Variants in CADPS2 observed in about 807,000 individuals in gnomAD.
CADPS2 encodes the protein calcium dependent secretion activator 2, also known as calcium-dependent secretion activator 2.
In CADPS2, 93 loss-of-function variants were observed where a neutral mutation model predicts 172.5. That is an observed-to-expected ratio of 0.54 (90% CI 0.46 to 0.64). The LOEUF is 0.64. Ranked by LOEUF, CADPS2 falls within the 30% of genes least tolerant of loss-of-function variation. The pLI is 0.00. For missense variants in CADPS2, 1,420 were observed against 1,565.9 expected (o/e 0.91, Z 1.57); for synonymous variants, 546 against 555.2 (o/e 0.98, Z 0.23).
intron 2 of CADPS2, among the ~76,000 whole-genome samples, chr7:122,682,772 A>G (rs914097008): frequency 3.3e-5 from 5 of 152,198 alleles, no homozygotes; most frequent in Non-Finnish European, 7.3e-5. Context: ...ACAAGCTAAG[A>G]GACTCTGAAC....
chr7:122,495,889 T>C (rs1056782497), intron 9 of CADPS2, among the ~76,000 whole-genome samples: 3 of 152,192 alleles, frequency 2.0e-5, no homozygotes, highest in Non-Finnish European at 2.9e-5. Context: ...GAGTTTACAA[T>C]TCTTATTACC....
chr7:122,481,741 T>C (rs34239286), intron 11 of CADPS2, among the ~76,000 whole-genome samples: 2 of 151,990 alleles, frequency 1.3e-5, no homozygotes, highest in African/African-American at 4.8e-5. Context: ...GCAGGTGCAG[T>C]GGCTCATGCC....
intron 3 of CADPS2, among the ~76,000 whole-genome samples, chr7:122,637,240 C>T (rs1429910938): frequency 1.6e-5 from 2 of 126,570 alleles, no homozygotes; most frequent in Non-Finnish European, 3.1e-5. Flanking sequence ...GTGGCCCAGG[C>T]TAGAGAGCAG....
intron 6 of CADPS2, among the ~76,000 whole-genome samples, chr7:122,606,210 C>T (rs1024066986): frequency 6.6e-6 from 1 of 152,106 alleles, no homozygotes; most frequent in Admixed American, 6.6e-5. Flanking sequence ...GGACAAGAAT[C>T]ACCACTGTTA....
At chr7:122,588,368 T>C (rs535797364) in intron 6 of CADPS2, among the ~76,000 whole-genome samples, 3 of 152,210 alleles carry the variant, frequency 2.0e-5, no homozygotes, top group African/African-American at 4.8e-5. Flanking sequence ...CTTGAGTTAA[T>C]TGTTAATAAG....
Position 122,436,966 on chromosome 7 carries a change from G to A in CADPS2, c.2476+1375C>T, listed in dbSNP as rs182631975. 2.1e-3 allele frequency among the ~76,000 whole-genome samples: 316 copies of A among 152,140 alleles called. 1 individual carries two copies. Among genetic ancestry groups the A allele is most frequent in the Non-Finnish European group, 2.7e-3 (185 of 67,956 alleles). ...ATTCTTACAGGTTTTTTTGGGTAGA[G>A]TACATAACATTTACATAAAACAATA... On this transcript the variant is annotated intron_variant, in intron 17 of 29. Transcript: ENST00000449022.
intron 27 of CADPS2, among the ~76,000 whole-genome samples, chr7:122,352,058 C>G (rs1389195459): frequency 2.0e-5 from 3 of 152,192 alleles, no homozygotes; most frequent in Admixed American, 2.0e-4. Context: ...TTTACAATGC[C>G]TTCCCCATTT....
At chr7:122,846,580 G>A (rs1274559962) in intron 1 of CADPS2, among the ~76,000 whole-genome samples, 1 of 152,148 alleles carries the variant, frequency 6.6e-6, no homozygotes, top group East Asian at 1.9e-4. Context: ...TGCAATATTA[G>A]TTATAAAGCA....
intron 3 of CADPS2, among the ~76,000 whole-genome samples, chr7:122,646,079 A>G (rs1487582481): frequency 6.6e-6 from 1 of 151,996 alleles, no homozygotes; most frequent in Admixed American, 6.6e-5. Context: ...AAACTTTCCC[A>G]GAGCAGATTT....
chr7:122,678,771 G>A (rs2082648572), intron 2 of CADPS2, among the ~76,000 whole-genome samples: 2 of 152,168 alleles, frequency 1.3e-5, no homozygotes, highest in South Asian at 4.1e-4. Flanking sequence ...CTGGCCATAG[G>A]ACTACTGAAC....
chr7:122,505,763 T>C (rs1345071952), intron 9 of CADPS2, among the ~76,000 whole-genome samples: 1 of 152,206 alleles, frequency 6.6e-6, no homozygotes, highest in East Asian at 1.9e-4. Flanking sequence ...ATTAATGCTA[T>C]CTTTTGGGCT....
chr7:122,583,645 A>G (rs986756313), intron 6 of CADPS2, among the ~76,000 whole-genome samples: 3 of 150,876 alleles, frequency 2.0e-5, no homozygotes, highest in African/African-American at 7.3e-5. Context: ...AATATATATC[A>G]CAATTATATA....
At chr7:122,554,745 G>A in intron 7 of CADPS2, 56 bp from the exon 8 acceptor site, 1 of 1,386,560 alleles carries the variant, frequency 7.2e-7, no homozygotes, top group South Asian at 1.6e-5. Context: ...TCTATGGGTT[G>A]GAACTAAAAT....
At chr7:122,732,988 G>C (rs2091833479) in intron 2 of CADPS2, among the ~76,000 whole-genome samples, 1 of 149,352 alleles carries the variant, frequency 6.7e-6, no homozygotes, top group Admixed American at 6.8e-5. Context: ...CATAATAAAT[G>C]AGCAAATTAC....
chr7:122,536,967 T>C (rs1289339483), intron 8 of CADPS2, among the ~76,000 whole-genome samples: 2 of 152,008 alleles, frequency 1.3e-5, no homozygotes, highest in African/African-American at 4.8e-5. Flanking sequence ...GGGAGATAAA[T>C]GATGAGAACA....
chr7:122,867,875 T>C (rs939977569), intron 1 of CADPS2, among the ~76,000 whole-genome samples: 5 of 152,108 alleles, frequency 3.3e-5, no homozygotes, highest in East Asian at 1.9e-4. Flanking sequence ...TTTTGAGATA[T>C]AGTCCTGCAA....
In CADPS2 at chr7:122,730,174, G is replaced by A. The variant is rs374350855; in HGVS notation, c.453+6781C>T. 1.3e-5 allele frequency among the ~76,000 whole-genome samples: 2 copies of A among 151,744 alleles called. 1 individual carries two copies. ...GTATTAAGAAAATGAACATGTAAAT[G>A]GGACATAGGACATGAACAGATAATT... is the stretch of plus-strand genomic sequence containing the variant. On this transcript the variant is annotated intron_variant, in intron 2 of 29. Transcript: ENST00000449022.
At chr7:122,464,371 A>G (rs545257129) in intron 14 of CADPS2, among the ~76,000 whole-genome samples, 55 of 152,314 alleles carry the variant, frequency 3.6e-4, no homozygotes, top group African/African-American at 1.3e-3. Context: ...ACAAATGGTT[A>G]AATAAATAAA....
chr7:122,682,728 G>A (rs2083189352), intron 2 of CADPS2, among the ~76,000 whole-genome samples: 1 of 152,150 alleles, frequency 6.6e-6, no homozygotes, highest in Non-Finnish European at 1.5e-5. Flanking sequence ...AAAACTGAGA[G>A]GGCATGAGGA....
Sources: allele counts gnomAD v4.1 joint callset (sites outside exome capture counted in the v4.1 genomes callset), GRCh38; gene constraint gnomAD v4.1.1; transcripts MANE v1.5; gene names NCBI Gene and HGNC (gene_info 2026-07-23, HGNC 2026-07-21).